LRRK2: variants seen among roughly 807,000 people sequenced by gnomAD.
LRRK2 encodes the protein leucine rich repeat kinase 2.
A neutral mutation model predicts 302.6 loss-of-function variants in LRRK2; 203 were observed. The observed-to-expected ratio is 0.67, with a 90% CI of 0.60 to 0.75. The LOEUF is 0.75. Ranked by LOEUF, LRRK2 falls within the 30% of genes least tolerant of loss-of-function variation. The pLI, the probability that LRRK2 is intolerant of heterozygous loss-of-function variation, is 0.00. For synonymous variants in LRRK2, 1,066 were observed against 1,031.9 expected, an observed-to-expected ratio of 1.03 and a Z score of -0.63; for missense variants, 2,830 against 2,951.0, an observed-to-expected ratio of 0.96 and a Z score of 0.95.
At chr12:40,352,469 C>CTTTT (rs1307806388) in intron 44 of LRRK2, among the ~76,000 whole-genome samples, 1 of 104,534 alleles carries the variant, frequency 9.6e-6, no homozygotes, top group Non-Finnish European at 2.0e-5. Context: ...GTTAAACAAT[C>CTTTT]TTTTTTTTTT....
In LRRK2 at chr12:40,328,354, C is replaced by T. The variant is rs1167945058; in HGVS notation, c.5657-6C>T. On this transcript the variant is annotated splice_region_variant and splice_polypyrimidine_tract_variant and intron_variant, in intron 38 of 50. Transcript: ENST00000298910. ...ATTTAAGTGCTTTGTATTTTCTTTTCAAAAGGTGATGGCAGTTTTGGATCA... is the reference window on the plus strand; with the variant it reads ...ATTTAAGTGCTTTGTATTTTCTTTTTAAAAGGTGATGGCAGTTTTGGATCA... 4.3e-6 allele frequency: 7 copies of T among 1,612,178 alleles called. No homozygotes were observed. The highest frequency in any genetic ancestry group is 5.9e-6 in the Non-Finnish European group (7 of 1,178,614).
intron 40 of LRRK2, among the ~76,000 whole-genome samples, chr12:40,339,438 A>T (rs997521200): frequency 6.6e-6 from 1 of 152,306 alleles, no homozygotes; most frequent in South Asian, 2.1e-4. Flanking sequence ...TGTTTCCAGA[A>T]TGGATAAGAC....
intron 5 of LRRK2, among the ~76,000 whole-genome samples, chr12:40,238,452 A>G (rs1727601829): frequency 6.6e-6 from 1 of 152,240 alleles, no homozygotes; most frequent in South Asian, 2.1e-4. Context: ...ATGTTGAGTC[A>G]TCACCAGAAA....
chr12:40,350,491 C>A (rs1393836024), intron 43 of LRRK2, among the ~76,000 whole-genome samples: 1 of 152,152 alleles, frequency 6.6e-6, no homozygotes, highest in Non-Finnish European at 1.5e-5. Context: ...GCCCAAGTAA[C>A]CTTGTCCACC....
At chr12:40,331,997 G>A (rs955007125) in intron 39 of LRRK2, among the ~76,000 whole-genome samples, 1 of 152,144 alleles carries the variant, frequency 6.6e-6, no homozygotes, top group Non-Finnish European at 1.5e-5. Context: ...CCTCTTTTGA[G>A]TACTTGTATT....
intron 11 of LRRK2, among the ~76,000 whole-genome samples, chr12:40,255,125 A>C (rs781762352): frequency 6.6e-6 from 1 of 152,218 alleles, no homozygotes; most frequent in Non-Finnish European, 1.5e-5. Context: ...GTCTGTAGGC[A>C]CTTGGGATGC....
At chr12:40,288,229 T>TA (rs1944003308) in intron 20 of LRRK2, among the ~76,000 whole-genome samples, 1 of 151,788 alleles carries the variant, frequency 6.6e-6, no homozygotes, top group African/African-American at 2.4e-5. Flanking sequence ...AAACCATTTT[T>TA]AAAAATCAAG....
chr12:40,330,401 G>GT (rs1484162531), intron 39 of LRRK2, among the ~76,000 whole-genome samples: 1 of 152,010 alleles, frequency 6.6e-6, no homozygotes, highest in Non-Finnish European at 1.5e-5. Flanking sequence ...TCAGTCAGAT[G>GT]TTTGCTCCTA....
intron 44 of LRRK2, among the ~76,000 whole-genome samples, chr12:40,352,111 C>T (rs1049710623): frequency 6.6e-6 from 1 of 152,192 alleles, no homozygotes; most frequent in Non-Finnish European, 1.5e-5. Context: ...AATTTTCCCA[C>T]TGCCAGGCAA....
chr12:40,298,781 AT>A (rs1325916748), intron 24 of LRRK2, among the ~76,000 whole-genome samples: 7 of 103,536 alleles, frequency 6.8e-5, no homozygotes. Context: ...TCAAAGAAAT[AT>A]ATATATATAT....
At chr12:40,301,011 C>G (rs1337109399) in intron 25 of LRRK2, 1 of 466,496 alleles carries the variant, frequency 2.1e-6, no homozygotes, top group South Asian at 1.5e-5. Flanking sequence ...CAGGTATGAC[C>G]TCTGCCCAAT....
rs149263654 is a variant in LRRK2, at chr12:40,311,733, C to T, written c.4536+1084C>T. ...AATGAGCCATTTGTAAAAGTGATGG[C>T]TTTTGCGGTGCCCAGGGAGAGAATT... On this transcript the variant is annotated intron_variant, in intron 31 of 50. Coordinates refer to ENST00000298910, the MANE Select transcript of LRRK2 (RefSeq NM_198578.4). 7.0e-4 allele frequency among the ~76,000 whole-genome samples: 107 copies of T among 152,250 alleles called. No homozygotes were observed. The East Asian group carries it at 0.016, about 23-fold the overall frequency.
In LRRK2 at chr12:40,316,735, T is replaced by TA. The variant is rs1160594758; in HGVS notation, c.4827+1441dup. ...TTAAAGAATGTTAATCAGGAAATTTTAAAAAATTCAGAACTATAAAGAGGT... is the reference window on the plus strand; with the variant it reads ...TTAAAGAATGTTAATCAGGAAATTTTAAAAAAATTCAGAACTATAAAGAGGT... On this transcript the variant is annotated intron_variant, in intron 33 of 50. Coordinates refer to ENST00000298910, the MANE Select transcript of LRRK2 (RefSeq NM_198578.4). Among the ~76,000 whole-genome samples, 9 of 152,180 alleles carry TA rather than the reference T, an allele frequency of 5.9e-5. No homozygotes were observed. The East Asian group carries it at 1.7e-3, about 29-fold the overall frequency.
intron 3 of LRRK2, among the ~76,000 whole-genome samples, chr12:40,234,065 T>C (rs1368658006): frequency 6.6e-6 from 1 of 152,098 alleles, no homozygotes; most frequent in Admixed American, 6.5e-5. Context: ...ATTTCTTCCG[T>C]GGTAATAAAG....
intron 12 of LRRK2, among the ~76,000 whole-genome samples, chr12:40,258,624 C>T (rs1303705426): frequency 3.9e-5 from 6 of 152,062 alleles, no homozygotes; most frequent in East Asian, 1.9e-4. Flanking sequence ...TCATGTGAGT[C>T]GAGAGACTGA....
At position 40,259,550 on chromosome 12, in the gene LRRK2, T is replaced by C; in HGVS notation, c.1489T>C (p.Ser497Pro). ...AACAGTTATGAAACGTCATGAGACA[T>C]CATTACCAGTGCAGCTGGAGGCGCT... is the stretch of plus-strand genomic sequence containing the variant. ...ILTVMKRHETSLPVQLEALRA... is the reference protein window; with the variant it reads ...ILTVMKRHETPLPVQLEALRA... Residue 497 changes from serine to proline, a missense_variant, in exon 13 of 51, where the codon TCA (serine) becomes CCA (proline). Around this residue, in one of 3 missense-constraint regions of LRRK2, gnomAD observed 2,121 missense variants for 2,148.0 expected, o/e 0.99. Coordinates refer to ENST00000298910, the MANE Select transcript of LRRK2 (RefSeq NM_198578.4). The C allele has an allele frequency of 6.2e-7, 1 of 1,613,402 alleles. No homozygotes were observed. The highest frequency in any genetic ancestry group is 8.5e-7 in the Non-Finnish European group (1 of 1,179,508).
Position 40,269,117 on chromosome 12 carries a change from A to C in LRRK2, c.1656+5216A>C, listed in dbSNP as rs376252070. On this transcript the variant is annotated intron_variant, in intron 14 of 50. Coordinates refer to ENST00000298910, the MANE Select transcript of LRRK2 (RefSeq NM_198578.4). Reference sequence around the variant, plus strand: ...GGGAAATTTGGTAATATCTATCAAAATTAAAATGCCATGTTTTCTGATCAG... The same window carrying C: ...GGGAAATTTGGTAATATCTATCAAACTTAAAATGCCATGTTTTCTGATCAG... 4.6e-5 allele frequency among the ~76,000 whole-genome samples: 7 copies of C among 152,308 alleles called. No homozygotes were observed. The South Asian group carries it at 8.3e-4, about 18-fold the overall frequency.
chr12:40,226,482 G>A (rs966527383), intron 2 of LRRK2, among the ~76,000 whole-genome samples: 1 of 152,150 alleles, frequency 6.6e-6, no homozygotes, highest in Admixed American at 6.5e-5. Flanking sequence ...TTTCTTAATG[G>A]TTGAGAGGCT....
intron 20 of LRRK2, among the ~76,000 whole-genome samples, chr12:40,291,422 G>A (rs1944152115): frequency 8.2e-6 from 1 of 121,612 alleles, no homozygotes; most frequent in Admixed American, 8.7e-5. Context: ...AGAACTTAAA[G>A]TATAATAAAA....
Sources: allele counts gnomAD v4.1 joint callset (sites outside exome capture counted in the v4.1 genomes callset), GRCh38; gene constraint gnomAD v4.1.1; regional missense constraint gnomAD v4.1.1; transcripts MANE v1.5; gene names NCBI Gene and HGNC (gene_info 2026-07-23, HGNC 2026-07-21).